PKD1L1: variants seen among roughly 807,000 people sequenced by gnomAD.
The protein encoded by PKD1L1 is polycystin 1 like 1, transient receptor potential channel interacting, also known as polycystin-1-like protein 1.
Under a neutral mutation model 323.4 loss-of-function variants are expected in PKD1L1, and 236 were observed. The observed-to-expected ratio is 0.73, with a 90% confidence interval of 0.66 to 0.81. The LOEUF is 0.81. Ranked by LOEUF, PKD1L1 falls within the 40% of genes least tolerant of loss-of-function variation. PKD1L1 has a pLI of 0.00. For missense variants in PKD1L1, 3,320 were observed against 3,508.0 expected, an observed-to-expected ratio of 0.95 and a Z score of 1.35; for synonymous variants, 1,344 against 1,335.0, an observed-to-expected ratio of 1.01 and a Z score of -0.15.
Position 47,842,562 on chromosome 7 carries a change from C to T in PKD1L1, c.5445+400G>A, listed in dbSNP as rs148018696. On this transcript the variant is annotated intron_variant, in intron 34 of 56. Transcript: ENST00000289672. ...ACTGGGCCCAGTGCTAGACTATTTC[C>T]TCCTCCTCCACCGCATCCTTCTTCC... is the stretch of plus-strand genomic sequence containing the variant. Among the ~76,000 whole-genome samples the T allele has an allele frequency of 4.2e-3, 643 of 152,284 alleles. 3 individuals are homozygous for T. The highest frequency in any genetic ancestry group is 0.015 in the African/African-American group (612 of 41,550).
At chr7:47,889,360 T>G (rs189892981) in intron 16 of PKD1L1, among the ~76,000 whole-genome samples, 8,005 of 152,242 alleles carry the variant, frequency 0.053, 540 homozygotes, top group African/African-American at 0.16. Flanking sequence ...GTATTTAGTT[T>G]GTTAAATTTA....
chr7:47,901,690 C>T (rs767674037), intron 13 of PKD1L1, among the ~76,000 whole-genome samples: 6 of 152,216 alleles, frequency 3.9e-5, no homozygotes, highest in Non-Finnish European at 7.3e-5. Flanking sequence ...TTGCCCCGGG[C>T]ACTTGGTCTC....
intron 18 of PKD1L1, 95 bp downstream of exon 18, chr7:47,885,591 T>C: frequency 6.8e-7 from 1 of 1,472,852 alleles, no homozygotes; most frequent in Non-Finnish European, 9.1e-7. Context: ...CCCATGTTGA[T>C]GTGATCTCAC....
At chr7:47,853,767 A>C (rs1281291959) in intron 30 of PKD1L1, among the ~76,000 whole-genome samples, 5 of 39,872 alleles carry the variant, frequency 1.3e-4, no homozygotes, top group South Asian at 1.2e-3. Flanking sequence ...CAAACAAACC[A>C]AAAAAAAAAA....
At chr7:47,897,412 C>A (rs1786980407) in intron 14 of PKD1L1, among the ~76,000 whole-genome samples, 1 of 152,258 alleles carries the variant, frequency 6.6e-6, no homozygotes, top group Admixed American at 6.5e-5. Flanking sequence ...CTTCTTCTAG[C>A]CTTTGCCAAG....
intron 13 of PKD1L1, among the ~76,000 whole-genome samples, chr7:47,899,559 C>G (rs1787033290): frequency 6.6e-6 from 1 of 152,076 alleles, no homozygotes; most frequent in Non-Finnish European, 1.5e-5. Flanking sequence ...GCTAGGGGGC[C>G]TCAGGATAGA....
At chr7:47,855,344 C>G (rs893925250) in intron 28 of PKD1L1, 79 bp from the exon 29 acceptor site, 1 of 962,438 alleles carries the variant, frequency 1.0e-6, no homozygotes, top group African/African-American at 1.8e-5. Flanking sequence ...ACCAAAGTAT[C>G]GTGGTGCTGC....
intron 26 of PKD1L1, among the ~76,000 whole-genome samples, chr7:47,861,552 A>G (rs1485866618): frequency 6.6e-6 from 1 of 152,192 alleles, no homozygotes; most frequent in Non-Finnish European, 1.5e-5. Flanking sequence ...AGGTGCAGAG[A>G]GTCAAGTGGA....
intron 46 of PKD1L1, among the ~76,000 whole-genome samples, chr7:47,820,428 G>A (rs1785114743): frequency 6.6e-6 from 1 of 152,098 alleles, no homozygotes; most frequent in South Asian, 2.1e-4. Flanking sequence ...AACTTGAGAG[G>A]TGTTAGAAAC....
intron 7 of PKD1L1, 37 bp from the exon 8 acceptor site, chr7:47,915,636 G>A: frequency 6.1e-6 from 8 of 1,304,014 alleles, no homozygotes; most frequent in Middle Eastern, 2.0e-4. Context: ...AGATAAAAGT[G>A]GAAATTAATA....
chr7:47,945,092 CCTT>C (rs1157383215), intron 1 of PKD1L1, among the ~76,000 whole-genome samples: 4 of 152,310 alleles, frequency 2.6e-5, no homozygotes, highest in African/African-American at 7.2e-5. Context: ...GTGTCAGTCT[CCTT>C]CTCTGTTTGA....
At chr7:47,850,271 C>T (rs1785750624) in intron 31 of PKD1L1, among the ~76,000 whole-genome samples, 1 of 152,200 alleles carries the variant, frequency 6.6e-6, no homozygotes, top group Admixed American at 6.5e-5. Flanking sequence ...TGAATACATA[C>T]ATCTTTAAAT....
chr7:47,895,595 G>GT (rs570592363), intron 14 of PKD1L1, among the ~76,000 whole-genome samples: 153 of 152,228 alleles, frequency 1.0e-3, no homozygotes, highest in African/African-American at 3.6e-3. Context: ...AGAGGATTGT[G>GT]TTTTTGTGTA....
At chr7:47,814,458 C>A (rs955285125) in intron 47 of PKD1L1, among the ~76,000 whole-genome samples, 2 of 152,198 alleles carry the variant, frequency 1.3e-5, no homozygotes, top group African/African-American at 4.8e-5. Context: ...GAGCTCACTG[C>A]AATCTCCACC....
chr7:47,922,244 C>T (rs980880145), intron 7 of PKD1L1, among the ~76,000 whole-genome samples: 3 of 152,172 alleles, frequency 2.0e-5, no homozygotes, highest in Admixed American at 6.5e-5. Flanking sequence ...AGTGCAGTGG[C>T]GTGCTCTCGG....
intron 56 of PKD1L1, among the ~76,000 whole-genome samples, chr7:47,789,769 T>G (rs1183207946): frequency 1.3e-5 from 2 of 152,256 alleles, no homozygotes; most frequent in East Asian, 3.8e-4. Flanking sequence ...ATGGTTTAAA[T>G]ATAAATACAT....
upstream of PKD1L1, among the ~76,000 whole-genome samples, chr7:47,952,778 T>A (rs566373540): frequency 1.9e-4 from 29 of 152,302 alleles, no homozygotes; most frequent in East Asian, 5.6e-3. Context: ...TGGTACACTT[T>A]TAAAGCCATT....
At position 47,840,972 on chromosome 7, in the gene PKD1L1, C is replaced by T. The variant is rs1316074404; in HGVS notation, c.5446-405G>A. Among the ~76,000 whole-genome samples the T allele has an allele frequency of 6.6e-6, 1 of 152,208 alleles. No individual in the cohort carries two copies. Among genetic ancestry groups the T allele is most frequent in the East Asian group, 1.9e-4 (1 of 5,192 alleles). ...AGTAGGGTACCCATGCACCTGTGGG[C>T]ACACCCTGGGGAGGCACATGACAAT... On this transcript the variant is annotated intron_variant, in intron 34 of 56. Transcript: ENST00000289672. This position sits in a 1 kb window ranked among gnomAD's most constrained non-coding sequence, Gnocchi z 4.1.
chr7:47,932,084 A>G (rs1012947653), intron 4 of PKD1L1, 28 bp from the exon 5 acceptor site: 1 of 1,586,626 alleles, frequency 6.3e-7, no homozygotes, highest in Non-Finnish European at 8.6e-7. Context: ...TGCAGAAAGA[A>G]AAGGAAACCC....
Sources: allele counts gnomAD v4.1 joint callset (sites outside exome capture counted in the v4.1 genomes callset), GRCh38; gene constraint gnomAD v4.1.1; non-coding constraint Gnocchi (gnomAD v3.1); transcripts MANE v1.5; gene names NCBI Gene and HGNC (gene_info 2026-07-23, HGNC 2026-07-21).